NKX3-2: variants seen among roughly 807,000 people sequenced by gnomAD.
NKX3-2 encodes NK3 homeobox 2.
Under a neutral mutation model 19.4 loss-of-function variants are expected in NKX3-2, and 13 were observed. The observed-to-expected ratio is 0.67, with a 90% CI of 0.44 to 1.07. The LOEUF is 1.07. Among genes scored for constraint, NKX3-2 ranks in the 50% least tolerant of loss-of-function variants. The pLI, the probability that NKX3-2 is intolerant of heterozygous loss-of-function variation, is 0.00. For missense variants in NKX3-2, 562 were observed against 488.2 expected (o/e 1.15, Z -1.42); for synonymous variants, 269 against 230.5 (o/e 1.17, Z -1.51).
In NKX3-2 at chr4:13,543,403, G is replaced by A. The variant is rs111937660; in HGVS notation, c.466+546C>T. Among the ~76,000 whole-genome samples, 1 of 152,172 alleles carries A rather than the reference G, an allele frequency of 6.6e-6. No individual in the cohort carries two copies. The highest frequency in any genetic ancestry group is 2.4e-5 in the African/African-American group (1 of 41,458). On this transcript the variant is annotated intron_variant, in intron 1 of 1. Transcript: ENST00000382438. This position sits in a 1 kb window ranked among gnomAD's most constrained non-coding sequence, Gnocchi z 7.1. ...CTAGGGCTGCTCTCCCAGACCTGGGGTCTGAGAAAGCCAAACCAGCCCTTT... is the reference window on the plus strand; with the variant it reads ...CTAGGGCTGCTCTCCCAGACCTGGGATCTGAGAAAGCCAAACCAGCCCTTT...
At chr4:13,545,452 T>A (rs1022205731), upstream of NKX3-2, among the ~76,000 whole-genome samples, 1 of 152,212 alleles carries the variant, frequency 6.6e-6, no homozygotes, top group Non-Finnish European at 1.5e-5. Context: ...ACAAAATGCA[T>A]CCTTTTTTTT....
chr4:13,542,123 CTCTG>C lies in NKX3-2; in HGVS notation c.868_871del (p.Gln290AspfsTer63), dbSNP rs1259904831. 1.2e-6 allele frequency: 2 copies of C among 1,611,430 alleles called. No homozygotes were observed. The highest frequency in any genetic ancestry group is 8.5e-7 in the Non-Finnish European group (1 of 1,178,400). The stretch of plus-strand genomic sequence containing the variant: ...CAGCACTTCGCCGGGCAGGTATTGT[CTCTG>C]GTCGTCGCGCACCAGCACCTTTACG... On this transcript the variant is annotated frameshift_variant, in exon 2 of 2. Transcript: ENST00000382438. LOFTEE classifies it high-confidence loss of function. This position sits in a 1 kb window ranked among gnomAD's most constrained non-coding sequence, Gnocchi z 6.4.
In NKX3-2 at chr4:13,541,755, G is replaced by A. The variant is rs971725010; in HGVS notation, c.*238C>T. The A allele has an allele frequency of 9.8e-6, 5 of 510,144 alleles. No homozygotes were observed. In the Admixed American group the frequency reaches 1.7e-4, roughly 18 times the overall value. 31.6% of individuals were successfully genotyped at this position (510,144 alleles called of 1,614,324 possible). ...AGAGCCCAGGGGCTTCCAGGCAGGT[G>A]GGCGATCAGGGCCCCTAGGCCATAG... On this transcript the variant is annotated 3_prime_UTR_variant, in exon 2 of 2. Transcript: ENST00000382438.
chr4:13,545,850 A>G (rs1338143005), upstream of NKX3-2, among the ~76,000 whole-genome samples: 1 of 152,232 alleles, frequency 6.6e-6, no homozygotes, highest in African/African-American at 2.4e-5. Flanking sequence ...CCATAAAGTG[A>G]TCCAGAAGTG....
upstream of NKX3-2, chr4:13,546,681 G>A (rs1718139023): frequency 2.8e-6 from 1 of 354,296 alleles, no homozygotes; most frequent in Non-Finnish European, 5.6e-6. Context: ...CGAACATAAA[G>A]GCAGGCAGAG....
upstream of NKX3-2, among the ~76,000 whole-genome samples, chr4:13,545,625 GAGA>G (rs919268287): frequency 3.9e-5 from 6 of 152,254 alleles, no homozygotes; most frequent in South Asian, 2.1e-4. Context: ...CTAAAGTCAG[GAGA>G]AGAATTGAAA....
At chr4:13,546,992 T>C (rs1285653386), upstream of NKX3-2, 4 of 456,182 alleles carry the variant, frequency 8.8e-6, no homozygotes, top group East Asian at 2.8e-4. Flanking sequence ...TCTCCTGGTG[T>C]CATCTCGGGC....
chr4:13,544,568 A>C (rs1577285501), upstream of NKX3-2: 1 of 388,754 alleles, frequency 2.6e-6, no homozygotes, highest in South Asian at 1.2e-4. Context: ...CTCCCGCCCC[A>C]CTCCGTCCCA....
chr4:13,543,769 C>T lies in NKX3-2; in HGVS notation c.466+180G>A, dbSNP rs970550581. Among the ~76,000 whole-genome samples, 2 of 152,252 alleles carry T rather than the reference C, an allele frequency of 1.3e-5. No individual in the cohort carries two copies. The highest frequency in any genetic ancestry group is 4.8e-5 in the African/African-American group (2 of 41,466). ...GGGCTCTGAGGAGCTACTCCGGTCTCTCGCGGGCTCAGTTCCCGAAGTGAT... is the reference window on the plus strand; with the variant it reads ...GGGCTCTGAGGAGCTACTCCGGTCTTTCGCGGGCTCAGTTCCCGAAGTGAT... On this transcript the variant is annotated intron_variant, in intron 1 of 1. Transcript: ENST00000382438. The surrounding 1 kb of genome is among the most constrained non-coding windows in gnomAD (Gnocchi z 7.1).
In NKX3-2 at chr4:13,544,328, C is replaced by A; in HGVS notation, c.87G>T (p.Ala29=). 2 of 1,531,524 alleles carry A rather than the reference C, an allele frequency of 1.3e-6. No individual in the cohort carries two copies. Among genetic ancestry groups the A allele is most frequent in the South Asian group, 2.4e-5 (2 of 83,172 alleles). 94.9% of individuals were successfully genotyped at this position (1,531,524 alleles called of 1,614,324 possible). Residue 29 remains alanine, a synonymous_variant, in exon 1 of 2, where the codon GCG becomes GCT. Coordinates refer to ENST00000382438, the MANE Select transcript of NKX3-2 (RefSeq NM_001189.4). ...CCCCGGGCGCCGGGCGCCCCTCTGG[C>A]GCGGCCAGCCCGCCGCGCTCCTCTT... ...NKKEERGGLA[A]PEGRPAPGGT...
rs888537416 is a variant in NKX3-2, at chr4:13,544,048, A to C, written c.367T>G (p.Leu123Val). ...TCACAGACCGGCTGGCCGAGGCTCAAGGATCCCCCCGCAAGGCCGGCCCCG... is the reference window on the plus strand; with the variant it reads ...TCACAGACCGGCTGGCCGAGGCTCACGGATCCCCCCGCAAGGCCGGCCCCG... ...ASGAGLAGGS[L>V]SLGQPVCELA... is the part of the protein sequence containing the mutation. The change falls in exon 1 of 2, where the codon TTG becomes GTG. Residue 123 changes from leucine to valine, a missense_variant. Transcript: ENST00000382438. 3.8e-6 allele frequency: 6 copies of C among 1,569,064 alleles called. No individual in the cohort carries two copies. The highest frequency in any genetic ancestry group is 5.2e-6 in the Non-Finnish European group (6 of 1,160,250).
chr4:13,547,496 G>GCCGCGCCCCCT, upstream of NKX3-2: 1 of 237,432 alleles, frequency 4.2e-6, no homozygotes, highest in Non-Finnish European at 8.2e-6. Context: ...TCTCTACCCC[G>GCCGCGCCCCCT]CCGCGCCCCC....
chr4:13,545,401 T>C (rs1718111078), upstream of NKX3-2, among the ~76,000 whole-genome samples: 1 of 152,260 alleles, frequency 6.6e-6, no homozygotes, highest in Non-Finnish European at 1.5e-5. Flanking sequence ...TAAATCATGC[T>C]CGTAGTTTCT....
rs1185382344 is a variant in NKX3-2, at chr4:13,542,498, C to G, written c.497G>C (p.Gly166Ala). Residue 166 changes from glycine (G) to alanine (A), a missense_variant, in exon 2 of 2, where the codon GGT becomes GCT. By Grantham distance (60) the Gly-to-Ala change is moderately conservative. Transcript: ENST00000382438. This position sits in a 1 kb window ranked among gnomAD's most constrained non-coding sequence, Gnocchi z 6.4. The part of the protein sequence containing the change: ...GDRSPRTEDD[G>A]VGPRGAHVSA... ...CACGTGTGCACCTCTGGGGCCAACA[C>G]CGTCGTCCTCGGTCCTTGGGCTGCG... The G allele has an allele frequency of 1.3e-6, 2 of 1,596,716 alleles. No individual in the cohort carries two copies. The highest frequency in any genetic ancestry group is 1.7e-6 in the Non-Finnish European group (2 of 1,179,596).
upstream of NKX3-2, chr4:13,546,999 G>C (rs1186806122): frequency 4.4e-6 from 2 of 456,254 alleles, no homozygotes; most frequent in South Asian, 1.5e-5. Flanking sequence ...GTGTCATCTC[G>C]GGCCATTACG....
upstream of NKX3-2, chr4:13,546,330 T>A (rs1205818520): frequency 6.5e-6 from 1 of 153,908 alleles, no homozygotes; most frequent in Non-Finnish European, 1.4e-5. Context: ...GGAAAAAACA[T>A]CCACTTGAGG....
In NKX3-2 at chr4:13,544,179, G is replaced by A. The variant is rs769650764; in HGVS notation, c.236C>T (p.Thr79Ile). 2 of 1,604,102 alleles carry A rather than the reference G, an allele frequency of 1.2e-6. No individual in the cohort carries two copies. The highest frequency in any genetic ancestry group is 2.2e-5 in the South Asian group (2 of 90,620). ...GCTCTCCGCAGTCCGCCCCGCAGCT[G>A]TTCTGGTACCGGCAGGAGACGCCAG... is the stretch of plus-strand genomic sequence containing the variant. Reference protein sequence around the residue: ...SLLASPAGTRTAAGRTAESPE... With the variant: ...SLLASPAGTRIAAGRTAESPE... The change falls in exon 1 of 2, where the codon ACA becomes ATA. Residue 79 changes from threonine (T) to isoleucine (I), a missense_variant. Coordinates refer to ENST00000382438, the MANE Select transcript of NKX3-2 (RefSeq NM_001189.4).
chr4:13,542,400 G>GCTC lies in NKX3-2; in HGVS notation c.592_594dup (p.Glu198dup), dbSNP rs746991447. ...TTCTTGCGTGGCTTGGGCGCCGCCG[G>GCTC]CTCCTCCTCCTCCTCCGCGACGCCT... On this transcript the variant is annotated inframe_insertion, in exon 2 of 2. Coordinates refer to ENST00000382438, the MANE Select transcript of NKX3-2 (RefSeq NM_001189.4). This position sits in a 1 kb window ranked among gnomAD's most constrained non-coding sequence, Gnocchi z 6.4. 11 of 1,511,458 alleles carry GCTC rather than the reference G, an allele frequency of 7.3e-6. No individual in the cohort carries two copies. The highest frequency in any genetic ancestry group is 5.6e-5 in the African/African-American group (4 of 71,022). The allele number at this position is 1,511,458 out of a possible 1,614,324, so 93.6% of individuals were successfully genotyped here.
At position 13,544,498 on chromosome 4, in the gene NKX3-2, G is replaced by T; in HGVS notation, c.-84C>A. 2.9e-6 allele frequency: 3 copies of T among 1,024,824 alleles called. No individual in the cohort carries two copies. Among genetic ancestry groups the T allele is most frequent in the East Asian group, 3.5e-5 (1 of 28,944 alleles). 63.5% of individuals were successfully genotyped at this position (1,024,824 alleles called of 1,614,324 possible). On this transcript the variant is annotated 5_prime_UTR_variant, in exon 1 of 2. Coordinates refer to ENST00000382438, the MANE Select transcript of NKX3-2 (RefSeq NM_001189.4). ...AGCGGGACAGAGAGCGCCGGCGGCC[G>T]CAGCGCGAGTGAGCTGGGTGTGCGA...
Sources: allele counts gnomAD v4.1 joint callset (sites outside exome capture counted in the v4.1 genomes callset), GRCh38; gene constraint gnomAD v4.1.1; non-coding constraint Gnocchi (gnomAD v3.1); transcripts MANE v1.5; gene names NCBI Gene and HGNC (gene_info 2026-07-23, HGNC 2026-07-21).